APOBEC3A: variants seen among roughly 807,000 people sequenced by gnomAD.
APOBEC3A encodes apolipoprotein B mRNA editing enzyme catalytic subunit 3A.
In APOBEC3A, 13 loss-of-function variants were observed where a neutral mutation model predicts 23.0. The observed-to-expected ratio is 0.57, with a 90% CI of 0.37 to 0.90. The LOEUF (loss-of-function observed/expected upper bound fraction) is 0.90, where lower values mean the gene tolerates loss of function less well. Ranked by LOEUF, APOBEC3A falls within the 40% of genes least tolerant of loss-of-function variation. APOBEC3A has a pLI of 0.01. For missense variants in APOBEC3A, 179 were observed against 264.9 expected, an observed-to-expected ratio of 0.68 and a Z score of 2.25; for synonymous variants, 74 against 101.3, an observed-to-expected ratio of 0.73 and a Z score of 1.62.
chr22:38,959,142 G>A (rs1239472286), intron 1 of APOBEC3A, among the ~76,000 whole-genome samples: 1 of 152,206 alleles, frequency 6.6e-6, no homozygotes, highest in East Asian at 1.9e-4. Context: ...GATGCTCGGT[G>A]TGGTAGGAGT....
Position 38,962,840 on chromosome 22 carries a change from C to T in APOBEC3A, c.*331C>T, listed in dbSNP as rs1167521036. ...AGGCGTGGTGGCGGGCGCCTGTAGT[C>T]CCAGCTACTCTGGAGGCTGAGGCAG... is the stretch of plus-strand genomic sequence containing the variant. On this transcript the variant is annotated 3_prime_UTR_variant, in exon 5 of 5. Coordinates refer to ENST00000249116, the MANE Select transcript of APOBEC3A (RefSeq NM_145699.4). 2.0e-5 allele frequency: 9 copies of T among 442,634 alleles called. 1 individual carries two copies. Among genetic ancestry groups the T allele is most frequent in the Admixed American group, 4.0e-5 (1 of 25,028 alleles). 27.4% of individuals were successfully genotyped at this position (442,634 alleles called of 1,614,324 possible).
chr22:38,962,678 G>C lies in APOBEC3A; in HGVS notation c.*169G>C, dbSNP rs1922961643. 4 of 1,487,734 alleles carry C rather than the reference G, an allele frequency of 2.7e-6. 1 individual carries two copies. The highest frequency in any genetic ancestry group is 3.6e-6 in the Non-Finnish European group (4 of 1,110,522). 92.2% of individuals were successfully genotyped at this position (1,487,734 alleles called of 1,614,324 possible). On this transcript the variant is annotated 3_prime_UTR_variant, in exon 5 of 5. Coordinates refer to ENST00000249116, the MANE Select transcript of APOBEC3A (RefSeq NM_145699.4). The stretch of plus-strand genomic sequence containing the variant: ...AGTAGATTTTTAAAAAATCAGAGTG[G>C]GCCGGGCGCGGTGGCTCACGCCTGT...
chr22:38,958,791 CTTT>C (rs1922727027), intron 1 of APOBEC3A, among the ~76,000 whole-genome samples: 6 of 140,912 alleles, frequency 4.3e-5, no homozygotes, highest in Admixed American at 3.0e-4. Flanking sequence ...TTCTTTCTTT[CTTT>C]CTTTCCTTCC....
chr22:38,961,811 C>G, intron 3 of APOBEC3A, 130 bp downstream of exon 3: 1 of 1,210,140 alleles, frequency 8.3e-7, no homozygotes, highest in East Asian at 2.6e-5. Context: ...ACTTTGGGGT[C>G]GATGGGAAGA....
Position 38,962,092 on chromosome 22 carries a change from T to G in APOBEC3A, c.470-6T>G. 6.2e-7 allele frequency: 1 copy of G among 1,605,528 alleles called. No individual in the cohort carries two copies. The highest frequency in any genetic ancestry group is 8.5e-7 in the Non-Finnish European group (1 of 1,174,398). Reference sequence around the variant, plus strand: ...AGCGTGACTTATCTCCCCTGTCCCTTTTCAGAATTTAAGCACTGCTGGGAC... The same window carrying G: ...AGCGTGACTTATCTCCCCTGTCCCTGTTCAGAATTTAAGCACTGCTGGGAC... On this transcript the variant is annotated splice_polypyrimidine_tract_variant and splice_region_variant and intron_variant, in intron 3 of 4. Transcript: ENST00000249116.
In APOBEC3A at chr22:38,962,422, C is replaced by T. The variant is rs1485034332; in HGVS notation, c.586-73C>T. The T allele has an allele frequency of 1.9e-6, 3 of 1,571,982 alleles. No individual in the cohort carries two copies. In the East Asian group the frequency reaches 7.2e-5, roughly 38 times the overall value. ...CCTCCTCTCCCGTCATTGTCACTGT[C>T]CCCAGGCCACCTCCCTGTGCCCTCT... On this transcript the variant is annotated intron_variant, in intron 4 of 4. Coordinates refer to ENST00000249116, the MANE Select transcript of APOBEC3A (RefSeq NM_145699.4).
intron 2 of APOBEC3A, among the ~76,000 whole-genome samples, chr22:38,960,725 G>A (rs1292569593): frequency 1.3e-5 from 2 of 152,168 alleles, no homozygotes; most frequent in Admixed American, 6.5e-5. Context: ...TCACATTTGG[G>A]CTCAGCACAG....
At position 38,959,527 on chromosome 22, in the gene APOBEC3A, C is replaced by T. The variant is rs1242987637; in HGVS notation, c.30-15C>T. 1.2e-6 allele frequency: 2 copies of T among 1,611,680 alleles called. No homozygotes were observed. The highest frequency in any genetic ancestry group is 1.3e-5 in the African/African-American group (1 of 74,788). On this transcript the variant is annotated splice_polypyrimidine_tract_variant and intron_variant, in intron 1 of 4. Transcript: ENST00000249116. ...GGGCTCTTCCTCCTCTGGTCTTTTC[C>T]CTGGCTGTCCACAGACACTTGATGG... is the stretch of plus-strand genomic sequence containing the variant.
intron 1 of APOBEC3A, among the ~76,000 whole-genome samples, chr22:38,958,649 TTC>T (rs908805544): frequency 6.6e-6 from 1 of 150,488 alleles, no homozygotes; most frequent in East Asian, 2.0e-4. Flanking sequence ...TTTCTTTTCT[TTC>T]TTTCTTCTTT....
At chr22:38,958,446 T>G (rs527241466) in intron 1 of APOBEC3A, among the ~76,000 whole-genome samples, 2 of 150,682 alleles carry the variant, frequency 1.3e-5, no homozygotes, top group Admixed American at 1.3e-4. Context: ...AATATTTCCC[T>G]TTCTCTCTTC....
chr22:38,959,862 A>T (rs1452805354), intron 2 of APOBEC3A, among the ~76,000 whole-genome samples, 176 bp downstream of exon 2: 1 of 152,120 alleles, frequency 6.6e-6, no homozygotes, highest in African/African-American at 2.4e-5. Context: ...GTGACTATCC[A>T]TGCCCAGGTG....
At chr22:38,959,769 G>C (rs1041223228) in intron 2 of APOBEC3A, 83 bp downstream of exon 2, 21 of 1,529,390 alleles carry the variant, frequency 1.4e-5, no homozygotes, top group Non-Finnish European at 1.8e-5. Flanking sequence ...GATTGTACTT[G>C]TGGTTTCCTG....
chr22:38,962,569 T>A lies in APOBEC3A; in HGVS notation c.*60T>A. 1 of 1,544,250 alleles carries A rather than the reference T, an allele frequency of 6.5e-7. No homozygotes were observed. Among genetic ancestry groups the A allele is most frequent in the Non-Finnish European group, 8.7e-7 (1 of 1,146,356 alleles). On this transcript the variant is annotated 3_prime_UTR_variant, in exon 5 of 5. Transcript: ENST00000249116. ...CTGGGTTGAGCAGCAGAATAAAAGATCTTCTTCCAAGAAATGCAAACAGAC... is the reference window on the plus strand; with the variant it reads ...CTGGGTTGAGCAGCAGAATAAAAGAACTTCTTCCAAGAAATGCAAACAGAC...
intron 1 of APOBEC3A, 27 bp from the exon 2 acceptor site, chr22:38,959,515 T>G: frequency 6.2e-7 from 1 of 1,609,954 alleles, no homozygotes; most frequent in Non-Finnish European, 8.5e-7. Context: ...CTCTTCCTCC[T>G]CTGGTCTTTT....
chr22:38,959,256 C>G (rs1922754872), intron 1 of APOBEC3A, among the ~76,000 whole-genome samples: 1 of 152,122 alleles, frequency 6.6e-6, no homozygotes, highest in African/African-American at 2.4e-5. Flanking sequence ...AGAATAAGAC[C>G]CAGCTCTACC....
rs539519994 is a variant in APOBEC3A at position 38,962,874 on chromosome 22, C to G, written c.*365C>G. On this transcript the variant is annotated 3_prime_UTR_variant, in exon 5 of 5. Transcript: ENST00000249116. ...TCTGGAGGCTGAGGCAGGAGAGTAG[C>G]GTGAACCCGGGAGGCAGAGCTTGCG... The G allele has an allele frequency of 2.8e-6, 1 of 354,192 alleles. No homozygotes were observed. Among genetic ancestry groups the G allele is most frequent in the Non-Finnish European group, 5.1e-6 (1 of 197,230 alleles). The allele number at this position is 354,192 out of a possible 1,614,324, so 21.9% of individuals were successfully genotyped here.
At chr22:38,961,923 C>G (rs909254805) in intron 3 of APOBEC3A, among the ~76,000 whole-genome samples, 175 bp from the exon 4 acceptor site, 2 of 151,872 alleles carry the variant, frequency 1.3e-5, no homozygotes, top group Non-Finnish European at 2.9e-5. Context: ...ACTGGGCTGG[C>G]CCAGATTCCA....
chr22:38,958,602 TCTTTCTCC>T (rs779150239), intron 1 of APOBEC3A, among the ~76,000 whole-genome samples: 17 of 149,208 alleles, frequency 1.1e-4, no homozygotes, highest in Non-Finnish European at 1.8e-4. Context: ...TTCCTTCCTC[TCTTTCTCC>T]CTTTCTCCCT....
chr22:38,962,922 C>T lies in APOBEC3A; in HGVS notation c.*413C>T, dbSNP rs1327679223. ...GCGGTGAGCCGAGATTGCGCTACTG[C>T]ACTCCAGCCTGGGCGACAGTACCAG... On this transcript the variant is annotated 3_prime_UTR_variant, in exon 5 of 5. Coordinates refer to ENST00000249116, the MANE Select transcript of APOBEC3A (RefSeq NM_145699.4). 4 of 264,564 alleles carry T rather than the reference C, an allele frequency of 1.5e-5. 1 individual carries two copies. In the Admixed American group the frequency reaches 1.6e-4, roughly 11 times the overall value. 16.4% of individuals were successfully genotyped at this position (264,564 alleles called of 1,614,324 possible). A position where few individuals can be genotyped will look rare whatever the true frequency, so the allele number is the denominator to read the frequency against.
Sources: allele counts gnomAD v4.1 joint callset (sites outside exome capture counted in the v4.1 genomes callset), GRCh38; gene constraint gnomAD v4.1.1; transcripts MANE v1.5; gene names NCBI Gene and HGNC (gene_info 2026-07-23, HGNC 2026-07-21).